The following RABGAP1L variants were observed in gnomAD, a reference collection of about 807,000 sequenced individuals.
RABGAP1L encodes the protein rab GTPase-activating protein 1-like.
A neutral mutation model predicts 137.7 loss-of-function variants in RABGAP1L; 63 were observed. The observed-to-expected ratio is 0.46, with a 90% CI of 0.37 to 0.56. The LOEUF (loss-of-function observed/expected upper bound fraction) is 0.56, where lower values mean the gene tolerates loss of function less well. Ranked by LOEUF, RABGAP1L falls within the 20% of genes least tolerant of loss-of-function variation. RABGAP1L has a pLI of 0.00. For synonymous variants in RABGAP1L, 431 were observed against 433.7 expected (o/e 0.99, Z 0.08); for missense variants, 1,095 against 1,244.0 (o/e 0.88, Z 1.80).
chr1:174,368,664 A>G (rs995828141), intron 11 of RABGAP1L, among the ~76,000 whole-genome samples: 1 of 152,062 alleles, frequency 6.6e-6, no homozygotes, highest in South Asian at 2.1e-4. Flanking sequence ...TTGATTAGTA[A>G]GATTGTGGTA....
chr1:174,414,729 C>T (rs1249605973), intron 13 of RABGAP1L, among the ~76,000 whole-genome samples: 2 of 151,990 alleles, frequency 1.3e-5, no homozygotes, highest in Non-Finnish European at 1.5e-5. Context: ...TGAAGTCTTA[C>T]TTTTTTTCAC....
Position 174,250,529 on chromosome 1 carries a change from G to A in RABGAP1L, c.772G>A (p.Val258Met). 6.2e-7 allele frequency: 1 copy of A among 1,613,564 alleles called. No homozygotes were observed. The highest frequency in any genetic ancestry group is 8.5e-7 in the Non-Finnish European group (1 of 1,179,598). ...CTAFKRSSRQ[V>M]SDVKDSVIPT... ...AGCATTCAAACGTTCTTCCAGACAA[G>A]TGTCTGATGTTAAAGACTCAGTTAT... is the stretch of plus-strand genomic sequence containing the variant. The change falls in exon 6 of 26, where the codon GTG becomes ATG. Residue 258 changes from valine (V) to methionine (M), a missense_variant. By Grantham distance (21) the Val-to-Met change is conservative. Coordinates refer to ENST00000681986, the MANE Select transcript of RABGAP1L (RefSeq NM_001366446.1).
rs371469614 is a variant in RABGAP1L at position 174,791,503 on chromosome 1, T to TA, written c.2212-20322dup. Reference sequence around the variant, plus strand: ...CAATGACAATACACACACATAAAGATAAAAAAATGCTGGTCTAGCTTGAGA... The same window carrying TA: ...CAATGACAATACACACACATAAAGATAAAAAAAATGCTGGTCTAGCTTGAGA... On this transcript the variant is annotated intron_variant, in intron 18 of 25. Coordinates refer to ENST00000681986, the MANE Select transcript of RABGAP1L (RefSeq NM_001366446.1). 8.5e-5 allele frequency among the ~76,000 whole-genome samples: 13 copies of TA among 152,182 alleles called. 1 individual carries two copies. Among genetic ancestry groups the TA allele is most frequent in the Non-Finnish European group, 4.4e-5 (3 of 67,978 alleles).
At chr1:174,837,284 C>T (rs1692862898) in intron 19 of RABGAP1L, among the ~76,000 whole-genome samples, 1 of 151,830 alleles carries the variant, frequency 6.6e-6, no homozygotes, top group South Asian at 2.1e-4. Context: ...TTAACCACAT[C>T]AATAATATGT....
intron 15 of RABGAP1L, among the ~76,000 whole-genome samples, chr1:174,692,699 G>A (rs1678957042): frequency 6.6e-6 from 1 of 152,062 alleles, no homozygotes; most frequent in Admixed American, 6.6e-5. Context: ...ATTCTTTTGA[G>A]TATCCTTGTA....
chr1:174,341,736 T>C (rs1480129021), intron 11 of RABGAP1L, among the ~76,000 whole-genome samples: 1 of 152,212 alleles, frequency 6.6e-6, no homozygotes, highest in African/African-American at 2.4e-5. Context: ...ATCTTTGTTT[T>C]TCAAGGCAAA....
chr1:174,370,164 T>G (rs1369717720), intron 11 of RABGAP1L, among the ~76,000 whole-genome samples: 9 of 152,222 alleles, frequency 5.9e-5, no homozygotes, highest in Non-Finnish European at 1.5e-5. Context: ...ATCTGCCAGA[T>G]AGATTTTCAG....
At chr1:174,194,235 C>G (rs963319607) in intron 1 of RABGAP1L, among the ~76,000 whole-genome samples, 1 of 137,010 alleles carries the variant, frequency 7.3e-6, no homozygotes, top group Non-Finnish European at 1.6e-5. Context: ...TCAGTTAATT[C>G]TTTTTTTTTT....
chr1:174,470,093 T>A lies in RABGAP1L; in HGVS notation c.1710+75948T>A, dbSNP rs144465118. Among the ~76,000 whole-genome samples, 641 of 152,290 alleles carry A rather than the reference T, an allele frequency of 4.2e-3. 4 individuals are homozygous for A. Among genetic ancestry groups the A allele is most frequent in the South Asian group, 0.011 (54 of 4,828 alleles). ...CTCTACAGCCATGACCCATCTTGAATTATTTTACCACTTGCACAGGGCTAC... is the reference window on the plus strand; with the variant it reads ...CTCTACAGCCATGACCCATCTTGAAATATTTTACCACTTGCACAGGGCTAC... On this transcript the variant is annotated intron_variant, in intron 13 of 25. Coordinates refer to ENST00000681986, the MANE Select transcript of RABGAP1L (RefSeq NM_001366446.1).
chr1:174,962,205 CCA>C (rs1553295729), intron 20 of RABGAP1L, among the ~76,000 whole-genome samples: 7 of 136,824 alleles, frequency 5.1e-5, no homozygotes, highest in South Asian at 2.3e-4. Context: ...CACCCCCCCC[CCA>C]CACACACACA....
chr1:174,918,661 T>G (rs1661274016), intron 19 of RABGAP1L, among the ~76,000 whole-genome samples: 2 of 152,130 alleles, frequency 1.3e-5, no homozygotes, highest in Admixed American at 1.3e-4. Context: ...GCTGTGCACC[T>G]GTAGTCCCAG....
chr1:174,735,256 G>A lies in RABGAP1L; in HGVS notation c.2170-17057G>A, dbSNP rs564170769. 8.6e-5 allele frequency among the ~76,000 whole-genome samples: 13 copies of A among 151,764 alleles called. No homozygotes were observed. The South Asian group carries it at 2.5e-3, about 29-fold the overall frequency. On this transcript the variant is annotated intron_variant, in intron 17 of 25. Coordinates refer to ENST00000681986, the MANE Select transcript of RABGAP1L (RefSeq NM_001366446.1). The stretch of plus-strand genomic sequence containing the variant: ...CTCCCAAAGTGCTGGGATTACAGGC[G>A]TGAGCCACCATGCCCAGCCATCTTA...
At chr1:174,432,970 C>T (rs908809175) in intron 13 of RABGAP1L, among the ~76,000 whole-genome samples, 8 of 152,140 alleles carry the variant, frequency 5.3e-5, no homozygotes, top group African/African-American at 1.7e-4. Context: ...GAAGGAAAAA[C>T]GATTAGATAG....
At chr1:174,711,211 G>T (rs1572886499) in intron 17 of RABGAP1L, among the ~76,000 whole-genome samples, 1 of 152,034 alleles carries the variant, frequency 6.6e-6, no homozygotes, top group Admixed American at 6.5e-5. Flanking sequence ...GTTCCCACCT[G>T]CGCCTCTCCC....
At chr1:174,263,847 C>G (rs2148637560) in intron 7 of RABGAP1L, among the ~76,000 whole-genome samples, 1 of 151,756 alleles carries the variant, frequency 6.6e-6, no homozygotes, top group Middle Eastern at 3.4e-3. Flanking sequence ...TCATTTGACT[C>G]TTCTGTATGA....
intron 19 of RABGAP1L, among the ~76,000 whole-genome samples, chr1:174,937,258 C>T (rs139785700): frequency 0.027 from 3,999 of 150,216 alleles, 158 homozygotes; most frequent in African/African-American, 0.091. Flanking sequence ...GGATTACAGG[C>T]GTGAGCTACC....
At position 174,833,461 on chromosome 1, in the gene RABGAP1L, TATATA is replaced by T. The variant is rs201892892; in HGVS notation, c.2340+21502_2340+21506del. ...GTGTGTGTGTAGAGATATATATATA[TATATA>T]TAGTAGAGACAGGGTTCTGTCATGT... is the stretch of plus-strand genomic sequence containing the variant. On this transcript the variant is annotated intron_variant, in intron 19 of 25. Transcript: ENST00000681986. 2.2e-4 allele frequency among the ~76,000 whole-genome samples: 10 copies of T among 45,270 alleles called. 3 individuals carry two copies. Among genetic ancestry groups the T allele is most frequent in the Non-Finnish European group, 3.5e-4 (4 of 11,550 alleles). 29.7% of individuals were successfully genotyped at this position (45,270 alleles called of 152,430 possible).
intron 13 of RABGAP1L, among the ~76,000 whole-genome samples, chr1:174,433,761 A>G (rs1057002825): frequency 6.6e-6 from 1 of 152,292 alleles, no homozygotes; most frequent in South Asian, 2.1e-4. Flanking sequence ...TTTATGGCAC[A>G]TTGCTACAAA....
chr1:174,382,852 G>T (rs1292217568), intron 12 of RABGAP1L, among the ~76,000 whole-genome samples: 2 of 152,078 alleles, frequency 1.3e-5, no homozygotes, highest in Middle Eastern at 3.2e-3. Flanking sequence ...TTCCTTTGGA[G>T]GAGGAGAGAC....
Sources: gnomAD v4.1 joint callset for allele counts (sites outside exome capture counted in the v4.1 genomes callset) on GRCh38, gnomAD v4.1.1 for gene constraint, MANE v1.5 for transcripts, NCBI Gene and HGNC (gene_info 2026-07-23, HGNC 2026-07-21) for gene names.